The following MIR2052HG variants were observed in gnomAD, a reference collection of about 807,000 sequenced individuals.
MIR2052HG encodes MIR2052 host gene.
intron 4 of MIR2052HG, among the ~76,000 whole-genome samples, chr8:74,732,474 G>A (rs1586926279): frequency 6.6e-6 from 1 of 152,070 alleles, no homozygotes; most frequent in South Asian, 2.1e-4. Context: ...AATAAGTGGG[G>A]TAAAAAACTA....
chr8:74,648,659 C>G (rs1376397325), intron 2 of MIR2052HG, among the ~76,000 whole-genome samples: 1 of 152,112 alleles, frequency 6.6e-6, no homozygotes, highest in Non-Finnish European at 1.5e-5. Context: ...CTCTTTATAT[C>G]TCAGACTGGC....
intron 2 of MIR2052HG, among the ~76,000 whole-genome samples, chr8:74,698,145 G>T (rs1809318847): frequency 6.6e-6 from 1 of 152,112 alleles, no homozygotes; most frequent in Non-Finnish European, 1.5e-5. Context: ...CATTGTACTG[G>T]TACTAAAAAT....
At chr8:74,668,658 CAAAGG>C (rs1808958058) in intron 2 of MIR2052HG, among the ~76,000 whole-genome samples, 1 of 152,190 alleles carries the variant, frequency 6.6e-6, no homozygotes, top group Non-Finnish European at 1.5e-5. Context: ...TCTTCAGGAA[CAAAGG>C]AATTATCATG....
intron 4 of MIR2052HG, among the ~76,000 whole-genome samples, chr8:74,746,495 TA>T (rs1329254397): frequency 6.6e-6 from 1 of 151,580 alleles, no homozygotes; most frequent in Non-Finnish European, 1.5e-5. Flanking sequence ...CAATATGTTA[TA>T]AGAAAGGGAG....
chr8:74,700,822 C>T (rs911858474), intron 2 of MIR2052HG, among the ~76,000 whole-genome samples: 3 of 152,054 alleles, frequency 2.0e-5, no homozygotes, highest in African/African-American at 7.2e-5. Flanking sequence ...TATGTTCTAT[C>T]CCACTAAATT....
chr8:74,638,717 A>C (rs1808608452), intron 2 of MIR2052HG, among the ~76,000 whole-genome samples: 1 of 152,190 alleles, frequency 6.6e-6, no homozygotes, highest in Admixed American at 6.5e-5. Context: ...ATAACTTCAC[A>C]TTTGGACACG....
chr8:74,728,584 G>A (rs73687259), intron 4 of MIR2052HG, among the ~76,000 whole-genome samples: 1,630 of 152,246 alleles, frequency 0.011, 33 homozygotes, highest in African/African-American at 0.036. Flanking sequence ...GTAATTCAGC[G>A]TGCTAAGGAT....
chr8:74,745,170 G>A (rs937101505), intron 4 of MIR2052HG, among the ~76,000 whole-genome samples: 5 of 152,094 alleles, frequency 3.3e-5, no homozygotes, highest in African/African-American at 1.2e-4. Context: ...GGCTGAGGTG[G>A]GAGGATCCCT....
intron 2 of MIR2052HG, among the ~76,000 whole-genome samples, chr8:74,672,336 T>C (rs1005091323): frequency 6.6e-6 from 1 of 152,058 alleles, no homozygotes; most frequent in African/African-American, 2.4e-5. Context: ...AGTACATTGC[T>C]GTGTAGGTAG....
chr8:74,677,336 AAT>A (rs1809063412), intron 2 of MIR2052HG, among the ~76,000 whole-genome samples: 1 of 152,070 alleles, frequency 6.6e-6, no homozygotes, highest in Non-Finnish European at 1.5e-5. Context: ...TGCTTAAATA[AAT>A]AGATATGCAT....
rs796542187 is a variant in MIR2052HG at position 74,713,284 on chromosome 8, A to G, written n.371+9602A>G. Among the ~76,000 whole-genome samples the G allele has an allele frequency of 2.5e-4, 38 of 152,262 alleles. 1 individual carries two copies. The highest frequency in any genetic ancestry group is 8.7e-4 in the African/African-American group (36 of 41,556). ...TCTCTCAATCTTCAGTGTAATCATC[A>G]CCTCTTTTGAACAATTTATGTGGCC... On this transcript the variant is annotated intron_variant and non_coding_transcript_variant, in intron 4 of 6. Coordinates refer to ENST00000523442, the Ensembl canonical transcript of MIR2052HG.
intron 2 of MIR2052HG, among the ~76,000 whole-genome samples, chr8:74,626,630 G>A (rs1586895409): frequency 6.6e-6 from 1 of 152,258 alleles, no homozygotes; most frequent in East Asian, 1.9e-4. Context: ...TCTATATGCC[G>A]TGAATACTAC....
chr8:74,604,513 AGGGC>A (rs1042404256), intron 1 of MIR2052HG, among the ~76,000 whole-genome samples: 1 of 4,328 alleles, frequency 2.3e-4, no homozygotes, highest in Non-Finnish European at 4.2e-4. Context: ...GGTGCCGTGG[AGGGC>A]GGGCGGGCGG....
Position 74,600,083 on chromosome 8 carries a change from G to A in MIR2052HG, n.128+175G>A, listed in dbSNP as rs551124426. Reference sequence around the variant, plus strand: ...GTGAGGCAATGCCTCGCCGTGCTTCGGCTGGTGCACGGTGTGCACAGCCAC... The same window carrying A: ...GTGAGGCAATGCCTCGCCGTGCTTCAGCTGGTGCACGGTGTGCACAGCCAC... On this transcript the variant is annotated intron_variant and non_coding_transcript_variant, in intron 1 of 6. Coordinates refer to ENST00000523442, the Ensembl canonical transcript of MIR2052HG. Among the ~76,000 whole-genome samples, 67 of 152,180 alleles carry A rather than the reference G, an allele frequency of 4.4e-4. 3 individuals are homozygous for A. In the South Asian group the frequency reaches 0.012, roughly 27 times the overall value.
Position 74,741,051 on chromosome 8 carries a change from A to G in MIR2052HG, n.372-11390A>G, listed in dbSNP as rs1809823447. ...TAGGCTCCTGCAAACCTTTGGTTAT[A>G]TTTTATCAATCTATCAACACATAAT... On this transcript the variant is annotated intron_variant and non_coding_transcript_variant, in intron 4 of 6. Coordinates refer to ENST00000523442, the Ensembl canonical transcript of MIR2052HG. 2.6e-5 allele frequency among the ~76,000 whole-genome samples: 4 copies of G among 152,184 alleles called. No individual in the cohort carries two copies. In the South Asian group the frequency reaches 6.2e-4, roughly 24 times the overall value.
At chr8:74,705,509 CTG>C (rs1307195585) in intron 4 of MIR2052HG, among the ~76,000 whole-genome samples, 1 of 151,974 alleles carries the variant, frequency 6.6e-6, no homozygotes, top group East Asian at 1.9e-4. Flanking sequence ...ATGCCCCAGA[CTG>C]TTTCCTTTTG....
chr8:74,638,576 G>A (rs1183663327), intron 2 of MIR2052HG, among the ~76,000 whole-genome samples: 1 of 152,146 alleles, frequency 6.6e-6, no homozygotes, highest in Admixed American at 6.6e-5. Context: ...TTTCACATAG[G>A]AGGATTTTGG....
chr8:74,682,566 CTTA>C (rs1563530923), intron 2 of MIR2052HG, among the ~76,000 whole-genome samples: 1 of 152,034 alleles, frequency 6.6e-6, no homozygotes, highest in Admixed American at 6.6e-5. Flanking sequence ...GATGCTGGAT[CTTA>C]TTATAAATCA....
At chr8:74,698,316 G>A (rs1809321607) in intron 2 of MIR2052HG, among the ~76,000 whole-genome samples, 1 of 152,184 alleles carries the variant, frequency 6.6e-6, no homozygotes. Context: ...GTAGGAGAAT[G>A]AAACTGGATC....
Sources: gnomAD v4.1 joint callset for allele counts (sites outside exome capture counted in the v4.1 genomes callset) on GRCh38, gnomAD v4.1.1 for gene constraint, MANE v1.5 for transcripts, NCBI Gene and HGNC (gene_info 2026-07-23, HGNC 2026-07-21) for gene names.